The following LEKR1 variants were observed in gnomAD, a reference collection of about 807,000 sequenced individuals.
LEKR1 encodes leucine, glutamate and lysine rich 1, also known as protein LEKR1.
In LEKR1, 59 loss-of-function variants were observed where a neutral mutation model predicts 72.4. The ratio of observed to expected loss-of-function variants is 0.82; its 90% confidence interval spans 0.66 to 1.01. The LOEUF is 1.01. Ranked by LOEUF, LEKR1 falls within the 50% of genes least tolerant of loss-of-function variation. The pLI is 0.00. For synonymous variants in LEKR1, 257 were observed against 263.2 expected, an observed-to-expected ratio of 0.98 and a Z score of 0.23; for missense variants, 728 against 759.2, an observed-to-expected ratio of 0.96 and a Z score of 0.48.
At chr3:156,895,077 T>C (rs917241143) in intron 3 of LEKR1, among the ~76,000 whole-genome samples, 6 of 152,170 alleles carry the variant, frequency 3.9e-5, no homozygotes, top group African/African-American at 1.4e-4. Context: ...ACCAGTGAAC[T>C]ATCATCACAG....
At position 157,045,870 on chromosome 3, in the gene LEKR1, C is replaced by A. The variant is rs961041143; in HGVS notation, c.*120C>A. The stretch of plus-strand genomic sequence containing the variant: ...ATTTTCACAGATCAGGAAGGCATAC[C>A]TATAGATGTATTTAACAAAAGACTG... On this transcript the variant is annotated 3_prime_UTR_variant, in exon 13 of 13. Coordinates refer to ENST00000356539, the MANE Select transcript of LEKR1 (RefSeq NM_001004316.3). 5 of 877,814 alleles carry A rather than the reference C, an allele frequency of 5.7e-6. No homozygotes were observed. Among genetic ancestry groups the A allele is most frequent in the Admixed American group, 5.6e-5 (2 of 35,734 alleles). The allele number at this position is 877,814 out of a possible 1,614,324, so 54.4% of individuals were successfully genotyped here. A position where few individuals can be genotyped will look rare whatever the true frequency, so the allele number is the denominator to read the frequency against.
intron 6 of LEKR1, among the ~76,000 whole-genome samples, chr3:156,976,888 A>G (rs896807359): frequency 2.6e-4 from 39 of 152,198 alleles, no homozygotes; most frequent in African/African-American, 9.2e-4. Flanking sequence ...AATTATATGA[A>G]ATCAATAAAA....
At chr3:156,952,979 A>G (rs1262012550) in intron 6 of LEKR1, among the ~76,000 whole-genome samples, 1 of 151,566 alleles carries the variant, frequency 6.6e-6, no homozygotes, top group Non-Finnish European at 1.5e-5. Context: ...ATAACATTGC[A>G]TATGCACTGT....
intron 3 of LEKR1, among the ~76,000 whole-genome samples, chr3:156,901,710 G>A (rs949177203): frequency 6.6e-6 from 1 of 151,938 alleles, no homozygotes; most frequent in South Asian, 2.1e-4. Flanking sequence ...GTTTTGAGAC[G>A]GAGTCTCACT....
At chr3:156,990,039 A>T (rs1731029500) in intron 7 of LEKR1, among the ~76,000 whole-genome samples, 1 of 152,214 alleles carries the variant, frequency 6.6e-6, no homozygotes, top group African/African-American at 2.4e-5. Context: ...CTAGTACAGG[A>T]TCCAATCTGG....
intron 2 of LEKR1, among the ~76,000 whole-genome samples, chr3:156,831,055 A>C (rs1015756651): frequency 6.6e-6 from 1 of 152,186 alleles, no homozygotes; most frequent in Non-Finnish European, 1.5e-5. Flanking sequence ...TTATTACTCA[A>C]ATCAATCTCC....
At chr3:156,876,043 T>C (rs1718527861) in intron 3 of LEKR1, among the ~76,000 whole-genome samples, 1 of 150,454 alleles carries the variant, frequency 6.6e-6, no homozygotes, top group Non-Finnish European at 1.5e-5. Flanking sequence ...TTTATTCTTC[T>C]ACATGTGGCT....
chr3:156,969,462 T>TA (rs2107990709), intron 6 of LEKR1, among the ~76,000 whole-genome samples: 1 of 152,196 alleles, frequency 6.6e-6, no homozygotes, highest in Non-Finnish European at 1.5e-5. Flanking sequence ...CCCACAGAAA[T>TA]ACAAACCACC....
chr3:157,019,830 T>C (rs530810040), intron 10 of LEKR1, among the ~76,000 whole-genome samples: 1 of 152,314 alleles, frequency 6.6e-6, no homozygotes, highest in South Asian at 2.1e-4. Flanking sequence ...GCTCATAATT[T>C]TGTTCAAACT....
chr3:156,872,928 G>A (rs1718122932), intron 3 of LEKR1, among the ~76,000 whole-genome samples: 1 of 151,958 alleles, frequency 6.6e-6, no homozygotes, highest in East Asian at 1.9e-4. Context: ...AGCTGTTAGA[G>A]GAAATGTTCT....
intron 6 of LEKR1, among the ~76,000 whole-genome samples, chr3:156,969,704 C>T (rs1251027561): frequency 6.6e-6 from 1 of 152,180 alleles, no homozygotes; most frequent in Non-Finnish European, 1.5e-5. Flanking sequence ...CAAGGAGGAG[C>T]TGGTACCATT....
intron 2 of LEKR1, among the ~76,000 whole-genome samples, chr3:156,846,789 G>T (rs1369966696): frequency 6.6e-6 from 1 of 152,016 alleles, no homozygotes; most frequent in African/African-American, 2.4e-5. Flanking sequence ...GGAGAAGGAG[G>T]CACAATTATA....
chr3:156,828,396 T>TTAG (rs1267415208), intron 1 of LEKR1, among the ~76,000 whole-genome samples: 2 of 152,172 alleles, frequency 1.3e-5, no homozygotes, highest in Admixed American at 1.3e-4. Flanking sequence ...TCAGGAAGCC[T>TTAG]TCACTAACTC....
intron 3 of LEKR1, among the ~76,000 whole-genome samples, chr3:156,880,921 G>A (rs7426821): frequency 0.3 from 45,701 of 152,028 alleles, 9,690 homozygotes; most frequent in African/African-American, 0.6. Flanking sequence ...CTCAATAGAT[G>A]CAGAAAAGGC....
At chr3:156,912,493 T>C (rs1723209054) in intron 3 of LEKR1, among the ~76,000 whole-genome samples, 1 of 152,178 alleles carries the variant, frequency 6.6e-6, no homozygotes, top group African/African-American at 2.4e-5. Flanking sequence ...GCTAGTTAAA[T>C]TCCAGACAGC....
chr3:156,897,636 A>G (rs1186901924), intron 3 of LEKR1, among the ~76,000 whole-genome samples: 2 of 152,124 alleles, frequency 1.3e-5, no homozygotes, highest in African/African-American at 2.4e-5. Flanking sequence ...TAGAAAGGAA[A>G]TGTCCAGGTT....
intron 12 of LEKR1, among the ~76,000 whole-genome samples, chr3:157,040,537 A>T (rs2108047117): frequency 6.6e-6 from 1 of 152,306 alleles, no homozygotes; most frequent in East Asian, 1.9e-4. Flanking sequence ...GACTGATCAG[A>T]TTAGTTGAAC....
intron 7 of LEKR1, among the ~76,000 whole-genome samples, chr3:156,982,858 G>T (rs370246025): frequency 8.5e-3 from 532 of 62,936 alleles, no homozygotes; most frequent in African/African-American, 0.028. Flanking sequence ...TGTGTGTGTA[G>T]ATAGATAGAT....
chr3:156,938,047 G>A (rs1158571123), intron 5 of LEKR1, among the ~76,000 whole-genome samples: 1 of 152,134 alleles, frequency 6.6e-6, no homozygotes, highest in Non-Finnish European at 1.5e-5. Flanking sequence ...TAAAGGGATA[G>A]CAGGGATCAG....
Sources: allele counts gnomAD v4.1 joint callset (sites outside exome capture counted in the v4.1 genomes callset), GRCh38; gene constraint gnomAD v4.1.1; transcripts MANE v1.5; gene names NCBI Gene and HGNC (gene_info 2026-07-23, HGNC 2026-07-21).